FBXO3: variants seen among roughly 807,000 people sequenced by gnomAD.
FBXO3 encodes the protein F-box protein 3, also known as F-box only protein 3.
In FBXO3, 17 loss-of-function variants were observed where a neutral mutation model predicts 64.8. The ratio of observed to expected loss-of-function variants is 0.26; its 90% CI spans 0.18 to 0.39. FBXO3 has a LOEUF of 0.39. Among genes scored for constraint, FBXO3 ranks in the 10% least tolerant of loss-of-function variants. FBXO3 has a pLI of 1.00. For synonymous variants in FBXO3, 182 were observed against 201.6 expected (o/e 0.90, Z 0.82); for missense variants, 420 against 589.9 (o/e 0.71, Z 2.98).
rs553359771 is a variant in FBXO3 at position 33,743,499 on chromosome 11, G to A, written c.1240-1415C>T. On this transcript the variant is annotated intron_variant, in intron 10 of 10. Transcript: ENST00000265651. The surrounding 1 kb of genome is among the most constrained non-coding windows in gnomAD (Gnocchi z 4.6). Reference sequence around the variant, plus strand: ...ACCTACTTGGTATTCTGGAAAGTATGGGGCAACTTGGGGCGTGATGTCAGC... The same window carrying A: ...ACCTACTTGGTATTCTGGAAAGTATAGGGCAACTTGGGGCGTGATGTCAGC... 2.6e-5 allele frequency: 4 copies of A among 152,404 alleles called. No individual in the cohort carries two copies. Among genetic ancestry groups the A allele is most frequent in the African/African-American group, 9.6e-5 (4 of 41,576 alleles). The allele number at this position is 152,404 out of a possible 1,614,324, so 9.4% of individuals were successfully genotyped here.
At chr11:33,745,588 T>C (rs1221574642) in intron 10 of FBXO3, 1 of 152,046 alleles carries the variant, frequency 6.6e-6, no homozygotes, top group East Asian at 1.9e-4. Flanking sequence ...AAGTCATAGA[T>C]CAAAATTAAA....
chr11:33,742,964 G>A (rs2133588999), intron 10 of FBXO3: 1 of 152,278 alleles, frequency 6.6e-6, no homozygotes, highest in South Asian at 2.1e-4. Context: ...TCATTCACAT[G>A]TCTGGTACCC....
chr11:33,741,856 A>C lies in FBXO3; in HGVS notation c.*52T>G. ...ATTTAGTTATTTACATTATTGAGAA[A>C]TCTATTTAACAGCCTAGAATCATCC... On this transcript the variant is annotated 3_prime_UTR_variant, in exon 11 of 11. Coordinates refer to ENST00000265651, the MANE Select transcript of FBXO3 (RefSeq NM_012175.4). The C allele has an allele frequency of 6.6e-7, 1 of 1,507,118 alleles. No homozygotes were observed. Among genetic ancestry groups the C allele is most frequent in the Non-Finnish European group, 8.9e-7 (1 of 1,127,958 alleles). 93.4% of individuals were successfully genotyped at this position (1,507,118 alleles called of 1,614,324 possible). A position where few individuals can be genotyped will look rare whatever the true frequency, so the allele number is the denominator to read the frequency against.
chr11:33,774,252 C>G, intron 1 of FBXO3, 142 bp downstream of exon 1: 1 of 700,812 alleles, frequency 1.4e-6, no homozygotes, highest in Non-Finnish European at 2.3e-6. Context: ...CCCGGTGGCT[C>G]CGCAGGATGA....
chr11:33,742,214 A>G, intron 10 of FBXO3, 130 bp from the exon 11 acceptor site: 3 of 793,564 alleles, frequency 3.8e-6, no homozygotes, highest in South Asian at 2.5e-5. Flanking sequence ...AGACTTGAAC[A>G]GTGGATTCTC....
At position 33,741,957 on chromosome 11, in the gene FBXO3, C is replaced by T; in HGVS notation, c.1367G>A (p.Arg456Lys). ...TCTGCGAATGGGAACATCAAAGACT[C>T]TCCTCCGTCTCTCCTCTTCATCATC... ...DEDDEEERRR[R>K]VFDVPIRRRR... The change falls in exon 11 of 11, where the codon AGA (arginine) becomes AAA (lysine). Residue 456 changes from arginine to lysine, a missense_variant. Arg to Lys is a conservative substitution (Grantham distance 26, BLOSUM62 2). Transcript: ENST00000265651. 2 of 1,613,940 alleles carry T rather than the reference C, an allele frequency of 1.2e-6. No homozygotes were observed. The highest frequency in any genetic ancestry group is 8.5e-7 in the Non-Finnish European group (1 of 1,179,880).
rs149827586 is a variant in FBXO3 at position 33,755,827 on chromosome 11, T to G, written c.622A>C (p.Ile208Leu). The G allele has an allele frequency of 6.2e-7, 1 of 1,614,192 alleles. No individual in the cohort carries two copies. Among genetic ancestry groups the G allele is most frequent in the African/African-American group, 1.3e-5 (1 of 75,072 alleles). The change falls in exon 5 of 11, where the codon ATA (isoleucine) becomes CTA (leucine). Residue 208 changes from isoleucine to leucine, a missense_variant. Physicochemically the swap from Ile to Leu is conservative, Grantham distance 5 (BLOSUM62 2). Around this residue, in one of 3 missense-constraint regions of FBXO3, gnomAD observed 337 missense variants for 518.4 expected, o/e 0.65. Transcript: ENST00000265651. ...CGGCCCTCTGCAGCTTCCACTGCTATGTACTGACTCAAACCAGTATGTATG... is the reference window on the plus strand; with the variant it reads ...CGGCCCTCTGCAGCTTCCACTGCTAGGTACTGACTCAAACCAGTATGTATG... The part of the protein sequence containing the change: ...FCIHTGLSQY[I>L]AVEAAEGRNK...
Position 33,769,024 on chromosome 11 carries a change from T to A in FBXO3, c.195-10A>T. On this transcript the variant is annotated splice_polypyrimidine_tract_variant and intron_variant, in intron 2 of 10. Coordinates refer to ENST00000265651, the MANE Select transcript of FBXO3 (RefSeq NM_012175.4). ...CTGTGTTTTCTCTTCCCTAAATAGA[T>A]GAAAAACATGAGATTTTAAATCTTT... 3.2e-6 allele frequency: 5 copies of A among 1,585,742 alleles called. No homozygotes were observed. Among genetic ancestry groups the A allele is most frequent in the Non-Finnish European group, 4.3e-6 (5 of 1,169,098 alleles).
chr11:33,760,663 T>C (rs1263503128), intron 3 of FBXO3, among the ~76,000 whole-genome samples: 1 of 151,860 alleles, frequency 6.6e-6, no homozygotes, highest in Non-Finnish European at 1.5e-5. Flanking sequence ...AAAGAAACAA[T>C]AGAAGTCAGA....
At chr11:33,772,658 C>T (rs1280267356) in intron 1 of FBXO3, 1 of 152,274 alleles carries the variant, frequency 6.6e-6, no homozygotes, top group Non-Finnish European at 1.5e-5. Context: ...TATTCCTTAA[C>T]AGAGCAATCT....
intron 3 of FBXO3, among the ~76,000 whole-genome samples, chr11:33,761,983 G>T (rs1341284044): frequency 6.6e-6 from 1 of 152,144 alleles, no homozygotes; most frequent in African/African-American, 2.4e-5. Flanking sequence ...AGGATAATTT[G>T]CTTTTTGATT....
At chr11:33,758,435 T>C in intron 4 of FBXO3, 52 bp downstream of exon 4, 1 of 1,323,838 alleles carries the variant, frequency 7.6e-7, no homozygotes, top group South Asian at 1.3e-5. Context: ...TTACTTTCAT[T>C]CTAAAAAATA....
intron 4 of FBXO3, among the ~76,000 whole-genome samples, chr11:33,757,468 AT>A (rs1252183138): frequency 6.9e-6 from 1 of 144,960 alleles, no homozygotes; most frequent in Non-Finnish European, 1.5e-5. Context: ...AATAATAATA[AT>A]AAAAAAATAA....
chr11:33,766,763 T>A (rs938917684), intron 3 of FBXO3, among the ~76,000 whole-genome samples: 3 of 152,130 alleles, frequency 2.0e-5, no homozygotes, highest in African/African-American at 7.2e-5. Flanking sequence ...GCAGCTGAGG[T>A]GAGCAGCTAG....
chr11:33,750,395 T>A (rs1446506520), intron 8 of FBXO3, 144 bp downstream of exon 8: 1 of 855,262 alleles, frequency 1.2e-6, no homozygotes, highest in Non-Finnish European at 1.8e-6. Context: ...CACTATCTTG[T>A]AGAAAATGTA....
At chr11:33,770,869 T>G (rs755425184) in intron 1 of FBXO3, 39 bp from the exon 2 acceptor site, 8 of 1,446,104 alleles carry the variant, frequency 5.5e-6, no homozygotes, top group Non-Finnish European at 7.6e-6. Flanking sequence ...TTTAAAAAAG[T>G]AAGAAAACAA....
chr11:33,743,577 A>T lies in FBXO3; in HGVS notation c.1240-1493T>A, dbSNP rs1188512659. On this transcript the variant is annotated intron_variant, in intron 10 of 10. Transcript: ENST00000265651. The surrounding 1 kb of genome is among the most constrained non-coding windows in gnomAD (Gnocchi z 4.6). ...GTGTTACGTGATCCACCACCCCATT[A>T]ACACTCTGATCTAATCTCCAGCCCC... 1 of 152,290 alleles carries T rather than the reference A, an allele frequency of 6.6e-6. No individual in the cohort carries two copies. Among genetic ancestry groups the T allele is most frequent in the Non-Finnish European group, 1.5e-5 (1 of 68,100 alleles). The allele number at this position is 152,290 out of a possible 1,614,324, so 9.4% of individuals were successfully genotyped here.
intron 8 of FBXO3, 123 bp downstream of exon 8, chr11:33,750,416 T>C: frequency 8.7e-7 from 1 of 1,149,544 alleles, no homozygotes; most frequent in Non-Finnish European, 1.2e-6. Flanking sequence ...TCCACCTTCC[T>C]CCAAACTTCA....
At chr11:33,761,648 G>T (rs764972960) in intron 3 of FBXO3, among the ~76,000 whole-genome samples, 3 of 152,132 alleles carry the variant, frequency 2.0e-5, no homozygotes, top group Non-Finnish European at 4.4e-5. Flanking sequence ...GTTTCTGTAG[G>T]TCAGGAGTCT....
Sources: gnomAD v4.1 joint callset for allele counts (sites outside exome capture counted in the v4.1 genomes callset) on GRCh38, gnomAD v4.1.1 for gene constraint, gnomAD v4.1.1 regional missense constraint, Gnocchi (gnomAD v3.1) non-coding constraint, MANE v1.5 for transcripts, NCBI Gene and HGNC (gene_info 2026-07-23, HGNC 2026-07-21) for gene names.